ABLIM1: variants seen among roughly 807,000 people sequenced by gnomAD.
ABLIM1 encodes actin binding LIM protein 1.
ABLIM1 carries 40 observed loss-of-function variants against 107.0 expected under a neutral mutation model. The ratio of observed to expected loss-of-function variants is 0.37; its 90% confidence interval spans 0.29 to 0.49. The LOEUF is 0.49. ABLIM1 is among the 20% of genes least tolerant of loss of function. The pLI is 0.97. For synonymous variants in ABLIM1, 357 were observed against 357.3 expected, an observed-to-expected ratio of 1.00 and a Z score of 0.01; for missense variants, 857 against 1,008.5, an observed-to-expected ratio of 0.85 and a Z score of 2.04.
intron 1 of ABLIM1, chr10:114,613,629 G>A: frequency 7.7e-7 from 1 of 1,292,648 alleles, no homozygotes; most frequent in Non-Finnish European, 1.0e-6. Context: ...CTCTTGCACT[G>A]TGAATAAAGA....
intron 6 of ABLIM1, among the ~76,000 whole-genome samples, chr10:114,537,872 G>T (rs1047418127): frequency 6.6e-6 from 1 of 152,160 alleles, no homozygotes; most frequent in Non-Finnish European, 1.5e-5. Context: ...CATGGACACG[G>T]GTTATTATTT....
rs190125310 is a variant in ABLIM1, at chr10:114,597,260, G to T, written c.379+4567C>A. ...GCTGCTGGGACTTATAAAAAGTAAA[G>T]ACGCTAAGGAAATTCAGAGTGCTGA... On this transcript the variant is annotated intron_variant, in intron 2 of 22. Transcript: ENST00000533213. Among the ~76,000 whole-genome samples, 3 of 152,354 alleles carry T rather than the reference G, an allele frequency of 2.0e-5. No homozygotes were observed. In the East Asian group the frequency reaches 5.8e-4, roughly 29 times the overall value.
chr10:114,608,791 G>A (rs931812152), intron 1 of ABLIM1, among the ~76,000 whole-genome samples: 2 of 151,998 alleles, frequency 1.3e-5, no homozygotes, highest in Non-Finnish European at 2.9e-5. Context: ...AAGGCGGGTG[G>A]ATCAACTGAG....
chr10:114,477,939 G>T (rs2056736876), intron 8 of ABLIM1, among the ~76,000 whole-genome samples: 1 of 152,140 alleles, frequency 6.6e-6, no homozygotes, highest in African/African-American at 2.4e-5. Context: ...GGCCAGGATG[G>T]TCTTGAACTC....
chr10:114,482,273 C>A (rs188588322), intron 8 of ABLIM1, among the ~76,000 whole-genome samples: 7 of 152,292 alleles, frequency 4.6e-5, no homozygotes, highest in Admixed American at 2.6e-4. Flanking sequence ...TCATCATTTT[C>A]TTTTACCTGT....
At chr10:114,609,960 G>T (rs778263903) in intron 1 of ABLIM1, among the ~76,000 whole-genome samples, 1 of 152,150 alleles carries the variant, frequency 6.6e-6, no homozygotes, top group African/African-American at 2.4e-5. Flanking sequence ...CAGCTAAGAA[G>T]AAACAGTCTT....
the ABLIM1 span, among the ~76,000 whole-genome samples, chr10:114,788,746 CAAACA>C: frequency 3.2e-3 from 491 of 151,274 alleles, 6 homozygotes; most frequent in East Asian, 0.011. Flanking sequence ...AACAAACAAA[CAAACA>C]AAACAAAACA....
At chr10:114,506,021 A>G (rs1402108924) in intron 6 of ABLIM1, among the ~76,000 whole-genome samples, 2 of 152,106 alleles carry the variant, frequency 1.3e-5, no homozygotes, top group African/African-American at 4.8e-5. Flanking sequence ...CCCTGTCACC[A>G]TCTCCCCTCC....
chr10:114,801,035 GTTGA>G, the ABLIM1 span, among the ~76,000 whole-genome samples: 1 of 152,162 alleles, frequency 6.6e-6, no homozygotes, highest in South Asian at 2.1e-4. Flanking sequence ...AATACAAACA[GTTGA>G]TTAACACACA....
At chr10:114,541,157 GAGGCGAGGAA>G (rs1395271434) in intron 6 of ABLIM1, among the ~76,000 whole-genome samples, 1 of 152,102 alleles carries the variant, frequency 6.6e-6, no homozygotes, top group Non-Finnish European at 1.5e-5. Flanking sequence ...GAAACTGGGA[GAGGCGAGGAA>G]AGGCCCTTCA....
intron 4 of ABLIM1, among the ~76,000 whole-genome samples, chr10:114,565,784 A>ATTT (rs1591259635): frequency 1.3e-5 from 1 of 74,576 alleles, no homozygotes; most frequent in African/African-American, 5.3e-5. Context: ...ATCTGAAATG[A>ATTT]TTTCTTTTTT....
At chr10:114,451,433 A>C (rs1589806933) in intron 14 of ABLIM1, among the ~76,000 whole-genome samples, 191 bp downstream of exon 14, 2 of 152,348 alleles carry the variant, frequency 1.3e-5, no homozygotes, top group East Asian at 3.9e-4. Context: ...TTTCTAATCA[A>C]GCTAAGTCTC....
intron 7 of ABLIM1, among the ~76,000 whole-genome samples, chr10:114,491,010 G>GTATATATATATATATATA (rs1484101683): frequency 8.2e-4 from 73 of 89,156 alleles, no homozygotes; most frequent in African/African-American, 3.7e-3. Context: ...GTGTGTGTGT[G>GTATATATATATATATATA]TGTATATATA....
chr10:114,708,331 G>A (rs2081470054), intron 1 of ABLIM1, among the ~76,000 whole-genome samples: 2 of 152,152 alleles, frequency 1.3e-5, no homozygotes, highest in Admixed American at 6.5e-5. Flanking sequence ...AACAGCCGCT[G>A]TTTCCCTGAA....
chr10:114,651,837 T>C (rs2079261274), intron 1 of ABLIM1, among the ~76,000 whole-genome samples: 1 of 152,200 alleles, frequency 6.6e-6, no homozygotes, highest in Admixed American at 6.5e-5. Flanking sequence ...AGACTGCTGT[T>C]TGGGGGGAAC....
intron 6 of ABLIM1, among the ~76,000 whole-genome samples, chr10:114,503,588 C>T (rs2060728096): frequency 6.6e-6 from 1 of 152,030 alleles, no homozygotes; most frequent in South Asian, 2.1e-4. Flanking sequence ...GAGTATGTGG[C>T]AAGGTCATAG....
At chr10:114,443,615 T>TGCG (rs779227995) in intron 17 of ABLIM1, among the ~76,000 whole-genome samples, 19 of 147,948 alleles carry the variant, frequency 1.3e-4, no homozygotes, top group Non-Finnish European at 2.7e-4. Context: ...ACCCGGCCTC[T>TGCG]ATTGAAGATA....
At chr10:114,662,322 T>A (rs1189974534), upstream of ABLIM1, among the ~76,000 whole-genome samples, 2 of 152,214 alleles carry the variant, frequency 1.3e-5, no homozygotes, top group African/African-American at 4.8e-5. Context: ...CAAGTCAGGA[T>A]GATCTTTGCT....
Position 114,551,619 on chromosome 10 carries a change from G to A in ABLIM1, c.674-3843C>T, listed in dbSNP as rs545900106. On this transcript the variant is annotated intron_variant, in intron 4 of 22. Transcript: ENST00000533213. Reference sequence around the variant, plus strand: ...AATCAGAGACTGAAGTGAAAGATTGGCCCATGACCAACCAGAGGCTGAAGT... The same window carrying A: ...AATCAGAGACTGAAGTGAAAGATTGACCCATGACCAACCAGAGGCTGAAGT... Among the ~76,000 whole-genome samples, 7 of 152,316 alleles carry A rather than the reference G, an allele frequency of 4.6e-5. No homozygotes were observed. In the South Asian group the frequency reaches 1.5e-3, roughly 32 times the overall value.
Sources: allele counts gnomAD v4.1 joint callset (sites outside exome capture counted in the v4.1 genomes callset), GRCh38; gene constraint gnomAD v4.1.1; transcripts MANE v1.5; gene names NCBI Gene and HGNC (gene_info 2026-07-23, HGNC 2026-07-21).